Variants in YWHAQ observed in about 807,000 individuals in gnomAD.
YWHAQ encodes tyrosine 3-monooxygenase/tryptophan 5-monooxygenase activation protein theta, also known as 14-3-3 protein theta.
Under a neutral mutation model 28.3 loss-of-function variants are expected in YWHAQ, and 6 were observed. The observed-to-expected ratio is 0.21, with a 90% CI of 0.12 to 0.42. The LOEUF (loss-of-function observed/expected upper bound fraction) is 0.42, where lower values mean the gene tolerates loss of function less well. Ranked by LOEUF, YWHAQ falls within the 10% of genes least tolerant of loss-of-function variation. The pLI is 1.00. For missense variants in YWHAQ, 201 were observed against 305.6 expected, an observed-to-expected ratio of 0.66 and a Z score of 2.55; for synonymous variants, 143 against 119.1, an observed-to-expected ratio of 1.20 and a Z score of -1.31.
At chr2:9,617,794 G>A (rs1195581295) in intron 2 of YWHAQ, among the ~76,000 whole-genome samples, 1 of 151,968 alleles carries the variant, frequency 6.6e-6, no homozygotes, top group Non-Finnish European at 1.5e-5. Flanking sequence ...GAGGGTGGTG[G>A]TGCACATCTG....
intron 2 of YWHAQ, among the ~76,000 whole-genome samples, chr2:9,602,914 A>C (rs1666745470): frequency 8.6e-6 from 1 of 116,894 alleles, no homozygotes; most frequent in Non-Finnish European, 1.7e-5. Context: ...GTAGGGACAC[A>C]GTCTTGCTAT....
At chr2:9,591,566 A>G (rs1321497713) in intron 2 of YWHAQ, 51 bp from the exon 3 acceptor site, 2 of 1,557,302 alleles carry the variant, frequency 1.3e-6, no homozygotes, top group Non-Finnish European at 1.7e-6. Flanking sequence ...CCTACTGTGC[A>G]TTATCATTAA....
rs767430079 is a variant in YWHAQ, at chr2:9,613,795, CCAAA to C, written c.294+16360_294+16363del. Among the ~76,000 whole-genome samples the C allele has an allele frequency of 4.1e-4, 62 of 152,204 alleles. 1 individual carries two copies. The highest frequency in any genetic ancestry group is 2.4e-4 in the Non-Finnish European group (16 of 68,010). ...AGCACAGTATTACCTTGCCCCTGCC[CCAAA>C]CAATTAACCACGTAAAAAAAATAAA... On this transcript the variant is annotated intron_variant, in intron 2 of 5. Coordinates refer to ENST00000238081, the MANE Select transcript of YWHAQ (RefSeq NM_006826.4).
intron 2 of YWHAQ, among the ~76,000 whole-genome samples, chr2:9,596,986 CTG>C (rs1204304161): frequency 6.6e-6 from 1 of 152,326 alleles, no homozygotes; most frequent in East Asian, 1.9e-4. Flanking sequence ...CAGAGTAACT[CTG>C]TGTTATGTGT....
rs1426325132 is a variant in YWHAQ at position 9,584,407 on chromosome 2, C to A, written c.*879G>T. 6.6e-6 allele frequency: 1 copy of A among 152,626 alleles called. No homozygotes were observed. Among genetic ancestry groups the A allele is most frequent in the African/African-American group, 2.4e-5 (1 of 41,442 alleles). 9.5% of individuals were successfully genotyped at this position (152,626 alleles called of 1,614,324 possible). ...AACTCTCTAAATAACAATCACTAGA[C>A]AAACTGGACACCCTCTCACATGTGC... On this transcript the variant is annotated 3_prime_UTR_variant, in exon 6 of 6. Transcript: ENST00000238081.
chr2:9,584,467 C>T lies in YWHAQ; in HGVS notation c.*819G>A, dbSNP rs1161963377. The stretch of plus-strand genomic sequence containing the variant: ...CATGGAAAAGTACTAAAGTTTTAGA[C>T]TTGGACTTGTGTACTTTAATTTATT... On this transcript the variant is annotated 3_prime_UTR_variant, in exon 6 of 6. Coordinates refer to ENST00000238081, the MANE Select transcript of YWHAQ (RefSeq NM_006826.4). 6.6e-6 allele frequency: 1 copy of T among 151,774 alleles called. No homozygotes were observed. The highest frequency in any genetic ancestry group is 2.5e-5 in the African/African-American group (1 of 40,600). The allele number at this position is 151,774 out of a possible 1,614,324, so 9.4% of individuals were successfully genotyped here.
At chr2:9,606,678 T>C (rs2125068249) in intron 2 of YWHAQ, among the ~76,000 whole-genome samples, 3 of 151,862 alleles carry the variant, frequency 2.0e-5, no homozygotes, top group Admixed American at 2.0e-4. Context: ...TACAGGCACA[T>C]GCCGCCACAC....
intron 2 of YWHAQ, among the ~76,000 whole-genome samples, chr2:9,596,200 AT>A (rs1391954763): frequency 2.0e-5 from 3 of 152,146 alleles, no homozygotes; most frequent in African/African-American, 7.2e-5. Context: ...AACAGTAACT[AT>A]TCCTCCTTTC....
chr2:9,630,663 T>C lies in YWHAQ; in HGVS notation c.-82-129A>G, dbSNP rs1392765702. 43 of 397,454 alleles carry C rather than the reference T, an allele frequency of 1.1e-4. 1 individual carries two copies. In the Admixed American group the frequency reaches 2.0e-3, roughly 18 times the overall value. 24.6% of individuals were successfully genotyped at this position (397,454 alleles called of 1,614,324 possible). A position where few individuals can be genotyped will look rare whatever the true frequency, so the allele number is the denominator to read the frequency against. On this transcript the variant is annotated intron_variant, in intron 1 of 5. Transcript: ENST00000238081. The surrounding 1 kb of genome is among the most constrained non-coding windows in gnomAD (Gnocchi z 5.6). ...TTGAATTTCCCTCTCCCCCGCCCCC[T>C]CCCCCGCTGGGCACCCGGGGAGGCC...
chr2:9,614,434 T>C (rs1163515720), intron 2 of YWHAQ, among the ~76,000 whole-genome samples: 2 of 152,218 alleles, frequency 1.3e-5, no homozygotes, highest in Non-Finnish European at 2.9e-5. Flanking sequence ...TAGCCATTAA[T>C]TTGTGGAGGA....
At chr2:9,607,065 G>C (rs2125068395) in intron 2 of YWHAQ, among the ~76,000 whole-genome samples, 1 of 151,632 alleles carries the variant, frequency 6.6e-6, no homozygotes, top group South Asian at 2.1e-4. Flanking sequence ...TTGTATTTTA[G>C]TAGAGATGGG....
In YWHAQ at chr2:9,588,433, T is replaced by C. The variant is rs531332618; in HGVS notation, c.419-105A>G. 6.7e-6 allele frequency: 9 copies of C among 1,338,842 alleles called. No homozygotes were observed. In the East Asian group the frequency reaches 8.0e-5, roughly 12 times the overall value. The allele number at this position is 1,338,842 out of a possible 1,614,324, so 82.9% of individuals were successfully genotyped here. A position where few individuals can be genotyped will look rare whatever the true frequency, so the allele number is the denominator to read the frequency against. The stretch of plus-strand genomic sequence containing the variant: ...CTACTAGCTCTTGGTAGAACCAAGA[T>C]TTTTTCTCTGTATGGGTCTTTTAAA... On this transcript the variant is annotated intron_variant, in intron 3 of 5. Coordinates refer to ENST00000238081, the MANE Select transcript of YWHAQ (RefSeq NM_006826.4).
chr2:9,593,837 A>G (rs1217369049), intron 2 of YWHAQ, among the ~76,000 whole-genome samples: 1 of 151,336 alleles, frequency 6.6e-6, no homozygotes, highest in African/African-American at 2.4e-5. Context: ...GTCTGTCTCT[A>G]AAAGAAAAAA....
chr2:9,588,412 T>C (rs1666389702), intron 3 of YWHAQ, 84 bp from the exon 4 acceptor site: 2 of 1,457,736 alleles, frequency 1.4e-6, no homozygotes, highest in East Asian at 2.6e-5. Context: ...CATATGCTAC[T>C]AGCTCTTGGT....
At chr2:9,609,672 T>A (rs139516376) in intron 2 of YWHAQ, among the ~76,000 whole-genome samples, 56 of 152,272 alleles carry the variant, frequency 3.7e-4, no homozygotes, top group African/African-American at 1.3e-3. Context: ...AATGACACAT[T>A]ACCATAAAGG....
intron 2 of YWHAQ, among the ~76,000 whole-genome samples, chr2:9,593,675 T>TA (rs1370149963): frequency 2.6e-5 from 4 of 151,540 alleles, no homozygotes; most frequent in Non-Finnish European, 5.9e-5. Flanking sequence ...CAAAGAATTT[T>TA]AAAAAAATTA....
chr2:9,586,213 C>T (rs1232957882), intron 5 of YWHAQ, among the ~76,000 whole-genome samples: 5 of 152,160 alleles, frequency 3.3e-5, no homozygotes, highest in African/African-American at 1.2e-4. Flanking sequence ...CATGTATAGA[C>T]AGGGTTCTTG....
intron 3 of YWHAQ, 46 bp from the exon 4 acceptor site, chr2:9,588,374 C>CCAGT: frequency 6.3e-7 from 1 of 1,590,582 alleles, no homozygotes; most frequent in Non-Finnish European, 8.5e-7. Context: ...AAATAACCAT[C>CCAGT]CAGTACACAG....
At chr2:9,611,754 T>A (rs113122841) in intron 2 of YWHAQ, among the ~76,000 whole-genome samples, 4,936 of 152,218 alleles carry the variant, frequency 0.032, 283 homozygotes, top group African/African-American at 0.11. Context: ...CACTACAACC[T>A]CTGCCTCCCG....
Sources: allele counts gnomAD v4.1 joint callset (sites outside exome capture counted in the v4.1 genomes callset), GRCh38; gene constraint gnomAD v4.1.1; non-coding constraint Gnocchi (gnomAD v3.1); transcripts MANE v1.5; gene names NCBI Gene and HGNC (gene_info 2026-07-23, HGNC 2026-07-21).